Variants in NALCN observed in about 807,000 individuals in gnomAD.
NALCN encodes the protein sodium leak channel NALCN.
A neutral mutation model predicts 225.3 loss-of-function variants in NALCN; 111 were observed. The ratio of observed to expected loss-of-function variants is 0.49; its 90% confidence interval spans 0.42 to 0.58. The LOEUF is 0.58. NALCN is among the 20% of genes least tolerant of loss of function. The pLI is 0.00. For missense variants in NALCN, 1,378 were observed against 2,202.4 expected (o/e 0.63, Z 7.49); for synonymous variants, 764 against 769.0 (o/e 0.99, Z 0.11).
chr13:101,207,807 G>C (rs2040371298), intron 13 of NALCN, among the ~76,000 whole-genome samples: 1 of 152,174 alleles, frequency 6.6e-6, no homozygotes, highest in African/African-American at 2.4e-5. Context: ...AACCTGCTTG[G>C]GTCCCCTTCC....
At chr13:101,064,728 C>T (rs1255674966) in intron 40 of NALCN, among the ~76,000 whole-genome samples, 1 of 152,152 alleles carries the variant, frequency 6.6e-6, no homozygotes, top group East Asian at 1.9e-4. Flanking sequence ...AAGGAATCAG[C>T]CCCGCAATAC....
At chr13:101,397,129 T>TAG (rs2047331349) in intron 2 of NALCN, among the ~76,000 whole-genome samples, 1 of 121,192 alleles carries the variant, frequency 8.3e-6, no homozygotes, top group African/African-American at 4.6e-5. Flanking sequence ...TACATATATA[T>TAG]AATGTGTGCA....
At chr13:101,073,390 G>C (rs112281748) in intron 37 of NALCN, among the ~76,000 whole-genome samples, 194 bp downstream of exon 37, 1 of 152,290 alleles carries the variant, frequency 6.6e-6, no homozygotes, top group Non-Finnish European at 1.5e-5. Context: ...CTCAAGTTGG[G>C]TTAATTGAGT....
At chr13:101,348,085 T>C (rs2045797585) in intron 6 of NALCN, among the ~76,000 whole-genome samples, 1 of 152,098 alleles carries the variant, frequency 6.6e-6, no homozygotes, top group East Asian at 1.9e-4. Context: ...CCATCAAAAT[T>C]ACATATATTT....
intron 11 of NALCN, among the ~76,000 whole-genome samples, chr13:101,256,868 AT>A (rs2140211009): frequency 6.7e-6 from 1 of 149,444 alleles, no homozygotes; most frequent in South Asian, 2.1e-4. Flanking sequence ...GGTTCAAGTG[AT>A]TCTCCTGCCT....
At chr13:101,191,397 C>T (rs17678530) in intron 14 of NALCN, among the ~76,000 whole-genome samples, 40,606 of 151,868 alleles carry the variant, frequency 0.27, 5,850 homozygotes, top group African/African-American at 0.37. Context: ...TTTTACAATA[C>T]TTGCAGCAAT....
At chr13:101,125,454 G>C (rs1259985405) in intron 17 of NALCN, among the ~76,000 whole-genome samples, 1 of 152,156 alleles carries the variant, frequency 6.6e-6, no homozygotes. Context: ...TAGTAATTGA[G>C]ACCTGTTCAT....
intron 3 of NALCN, among the ~76,000 whole-genome samples, chr13:101,393,054 T>C (rs2047189036): frequency 6.6e-6 from 1 of 152,214 alleles, no homozygotes; most frequent in Admixed American, 6.5e-5. Flanking sequence ...GAATTGTGTA[T>C]GGTACAAATA....
chr13:101,325,224 T>A (rs1054377763), intron 7 of NALCN, among the ~76,000 whole-genome samples: 1 of 152,146 alleles, frequency 6.6e-6, no homozygotes, highest in Non-Finnish European at 1.5e-5. Context: ...AACAAGTGTA[T>A]AAACAGAGAT....
chr13:101,069,524 G>T (rs1333073450), intron 37 of NALCN, among the ~76,000 whole-genome samples: 1 of 152,204 alleles, frequency 6.6e-6, no homozygotes, highest in Non-Finnish European at 1.5e-5. Flanking sequence ...GACTGAGCAG[G>T]GTGGTGGCTG....
chr13:101,191,496 G>C (rs1355706705), intron 14 of NALCN, among the ~76,000 whole-genome samples: 1 of 152,050 alleles, frequency 6.6e-6, no homozygotes, highest in Admixed American at 6.6e-5. Context: ...TGCACCCTGA[G>C]GTCTATAGCT....
intron 7 of NALCN, among the ~76,000 whole-genome samples, chr13:101,316,983 A>G (rs1298981423): frequency 6.6e-6 from 1 of 152,164 alleles, no homozygotes; most frequent in Non-Finnish European, 1.5e-5. Flanking sequence ...ATTACCTTGT[A>G]TACTTAACCT....
intron 13 of NALCN, among the ~76,000 whole-genome samples, chr13:101,195,123 A>G (rs1024161949): frequency 1.3e-5 from 2 of 152,234 alleles, no homozygotes; most frequent in African/African-American, 4.8e-5. Flanking sequence ...GGGTGAATCA[A>G]GAACAGTTTT....
intron 28 of NALCN, 111 bp downstream of exon 28, chr13:101,095,463 T>C (rs1419664955): frequency 1.2e-6 from 1 of 816,758 alleles, no homozygotes; most frequent in Non-Finnish European, 1.9e-6. Flanking sequence ...TTAAGATCAT[T>C]TTAACATCTC....
In NALCN at chr13:101,068,842, G is replaced by T; in HGVS notation, c.4198-15C>A. The stretch of plus-strand genomic sequence containing the variant: ...GGAGGCTGAACCTTTGGGGCATTGG[G>T]GTGGAAGAAGGAGAGGATAAGAGTA... On this transcript the variant is annotated splice_polypyrimidine_tract_variant and intron_variant, in intron 37 of 43. Transcript: ENST00000251127. 1 of 1,594,948 alleles carries T rather than the reference G, an allele frequency of 6.3e-7. No individual in the cohort carries two copies. The highest frequency in any genetic ancestry group is 8.5e-7 in the Non-Finnish European group (1 of 1,172,140).
chr13:101,392,611 A>G (rs1293664884), intron 3 of NALCN, among the ~76,000 whole-genome samples: 1 of 152,174 alleles, frequency 6.6e-6, no homozygotes. Flanking sequence ...AAAAATGTTC[A>G]CTACCTCTAC....
At chr13:101,315,892 T>A (rs1422595922) in intron 7 of NALCN, among the ~76,000 whole-genome samples, 1 of 152,096 alleles carries the variant, frequency 6.6e-6, no homozygotes, top group Non-Finnish European at 1.5e-5. Flanking sequence ...CAAGCCTGTT[T>A]TTTTTGTTCC....
Position 101,292,662 on chromosome 13 carries a change from G to A in NALCN, c.800-296C>T, listed in dbSNP as rs1031110156. Among the ~76,000 whole-genome samples the A allele has an allele frequency of 4.6e-5, 7 of 152,102 alleles. No homozygotes were observed. Among genetic ancestry groups the A allele is most frequent in the African/African-American group, 1.7e-4 (7 of 41,396 alleles). ...AAAAGGAAATAAACAGTCAAACCAA[G>A]TATATATATGTATAATTAAAAAAAG... On this transcript the variant is annotated intron_variant, in intron 7 of 43. Coordinates refer to ENST00000251127, the MANE Select transcript of NALCN (RefSeq NM_052867.4). This position sits in a 1 kb window ranked among gnomAD's most constrained non-coding sequence, Gnocchi z 4.3.
chr13:101,350,754 G>T (rs1438379007), intron 6 of NALCN, among the ~76,000 whole-genome samples: 1 of 152,138 alleles, frequency 6.6e-6, no homozygotes, highest in African/African-American at 2.4e-5. Context: ...AGTAAAGCAT[G>T]TCACCCTCCA....
Sources: gnomAD v4.1 joint callset for allele counts (sites outside exome capture counted in the v4.1 genomes callset) on GRCh38, gnomAD v4.1.1 for gene constraint, Gnocchi (gnomAD v3.1) non-coding constraint, MANE v1.5 for transcripts, NCBI Gene and HGNC (gene_info 2026-07-23, HGNC 2026-07-21) for gene names.